CCNI: variants seen among roughly 807,000 people sequenced by gnomAD.
CCNI encodes the protein cyclin I.
In CCNI, 14 loss-of-function variants were observed where a neutral mutation model predicts 34.1. The ratio of observed to expected loss-of-function variants is 0.41; its 90% confidence interval spans 0.27 to 0.64. CCNI has a LOEUF of 0.64. Among genes scored for constraint, CCNI ranks in the 30% least tolerant of loss-of-function variants. The pLI is 0.31. For synonymous variants in CCNI, 154 were observed against 158.4 expected (o/e 0.97, Z 0.21); for missense variants, 385 against 440.5 (o/e 0.87, Z 1.13).
At chr4:77,065,818 G>A (rs1728995972) in intron 2 of CCNI, among the ~76,000 whole-genome samples, 1 of 152,194 alleles carries the variant, frequency 6.6e-6, no homozygotes, top group Non-Finnish European at 1.5e-5. Flanking sequence ...AAAAAGAAGA[G>A]GCCGGGCATG....
intron 1 of CCNI, among the ~76,000 whole-genome samples, chr4:77,067,650 C>T (rs189000195): frequency 6.7e-6 from 1 of 149,172 alleles, no homozygotes; most frequent in African/African-American, 2.4e-5. Flanking sequence ...ATCACCAAGC[C>T]CAGGTAATTT....
intron 2 of CCNI, 131 bp downstream of exon 2, chr4:77,066,116 GGA>G (rs1350396899): frequency 8.5e-6 from 6 of 707,132 alleles, no homozygotes; most frequent in African/African-American, 5.4e-5. Context: ...AAAGAAACAG[GGA>G]GAGTCTCTCA....
In CCNI at chr4:77,047,547, G is replaced by C. The variant is rs1217719095; in HGVS notation, c.*672C>G. On this transcript the variant is annotated 3_prime_UTR_variant, in exon 7 of 7. Coordinates refer to ENST00000237654, the MANE Select transcript of CCNI (RefSeq NM_006835.3). ...TCGAAAATGCTTTCAACAAACCTAA[G>C]TGTCCTAATTACATGCCACTTTTAA... is the stretch of plus-strand genomic sequence containing the variant. 2.6e-5 allele frequency: 4 copies of C among 152,008 alleles called. No homozygotes were observed. The highest frequency in any genetic ancestry group is 9.7e-5 in the African/African-American group (4 of 41,368). The allele number at this position is 152,008 out of a possible 1,614,324, so 9.4% of individuals were successfully genotyped here.
intron 1 of CCNI, among the ~76,000 whole-genome samples, chr4:77,073,102 T>C (rs757690855): frequency 6.6e-6 from 1 of 152,270 alleles, no homozygotes; most frequent in Non-Finnish European, 1.5e-5. Context: ...TGTTACTGTA[T>C]GCCTATTGTT....
At chr4:77,054,680 C>T (rs1406918999) in intron 6 of CCNI, among the ~76,000 whole-genome samples, 1 of 152,144 alleles carries the variant, frequency 6.6e-6, no homozygotes, top group Non-Finnish European at 1.5e-5. Context: ...AGGGAAAAAC[C>T]TCTTTCAGAA....
At chr4:77,049,542 G>C (rs1373040983) in intron 6 of CCNI, among the ~76,000 whole-genome samples, 1 of 152,118 alleles carries the variant, frequency 6.6e-6, no homozygotes, top group Non-Finnish European at 1.5e-5. Context: ...GCAGGACATG[G>C]TGGCAGATGC....
chr4:77,074,438 G>A (rs2109859506), intron 1 of CCNI, among the ~76,000 whole-genome samples: 1 of 152,312 alleles, frequency 6.6e-6, no homozygotes, highest in African/African-American at 2.4e-5. Context: ...GCTAGCAGCA[G>A]ATAACACTGC....
At position 77,048,228 on chromosome 4, in the gene CCNI, AG is replaced by A. The variant is rs1727567452; in HGVS notation, c.1124del (p.Ser375LeufsTer11). Reference protein sequence around the residue: ...ASPCPPLQPVSVM With the variant: ...ASPCPPLQPVXVM ...GTAGCACTTGTTGAAACTACATGAC[AG>A]AAACAGGCTGCAAAGGTGGACAAGG... On this transcript the variant is annotated frameshift_variant, in exon 7 of 7. Coordinates refer to ENST00000237654, the MANE Select transcript of CCNI (RefSeq NM_006835.3). LOFTEE classifies it high-confidence loss of function. 2.5e-6 allele frequency: 4 copies of A among 1,612,912 alleles called. No homozygotes were observed. The highest frequency in any genetic ancestry group is 3.4e-6 in the Non-Finnish European group (4 of 1,179,346).
chr4:77,056,170 G>C (rs1728213162), intron 4 of CCNI, 68 bp from the exon 5 acceptor site: 1 of 1,598,892 alleles, frequency 6.3e-7, no homozygotes, highest in African/African-American at 1.3e-5. Context: ...TATGATTTTT[G>C]TTTTAGCAAA....
intron 5 of CCNI, 122 bp from the exon 6 acceptor site, chr4:77,055,502 G>A (rs1185402302): frequency 1.5e-6 from 1 of 668,728 alleles, no homozygotes; most frequent in African/African-American, 2.0e-5. Flanking sequence ...TCACTCTGTT[G>A]CCCAGGCTGG....
chr4:77,052,706 C>T (rs1727948413), intron 6 of CCNI, among the ~76,000 whole-genome samples: 1 of 152,130 alleles, frequency 6.6e-6, no homozygotes, highest in Non-Finnish European at 1.5e-5. Flanking sequence ...CAAGACTTTC[C>T]TATATTAAAA....
intron 1 of CCNI, among the ~76,000 whole-genome samples, chr4:77,066,919 A>G (rs531581635): frequency 6.6e-6 from 1 of 152,330 alleles, no homozygotes; most frequent in Admixed American, 6.5e-5. Flanking sequence ...ACATGTGGAT[A>G]TTTAACTATG....
intron 6 of CCNI, among the ~76,000 whole-genome samples, chr4:77,054,882 C>A (rs180995816): frequency 6.6e-6 from 1 of 151,798 alleles, no homozygotes; most frequent in Non-Finnish European, 1.5e-5. Flanking sequence ...AACTAAAGGA[C>A]AATATGGTAT....
Position 77,055,198 on chromosome 4 carries a change from G to A in CCNI, c.642C>T (p.Leu214=). ...TTGTAAGAGAAAGCCAATCAGGAAT[G>A]AGTTTCTCCATTTCCAGACTAACCA... ...LAMVSLEMEK[L]IPDWLSLTIE... The change falls in exon 6 of 7, where the codon CTC becomes CTT. Residue 214 remains leucine (L), a synonymous_variant. Transcript: ENST00000237654. 2.5e-6 allele frequency: 4 copies of A among 1,614,052 alleles called. No homozygotes were observed. Among genetic ancestry groups the A allele is most frequent in the Non-Finnish European group, 3.4e-6 (4 of 1,179,928 alleles).
In CCNI at chr4:77,048,536, C is replaced by T; in HGVS notation, c.817G>A (p.Asp273Asn). 1 of 1,613,860 alleles carries T rather than the reference C, an allele frequency of 6.2e-7. No homozygotes were observed. The highest frequency in any genetic ancestry group is 8.5e-7 in the Non-Finnish European group (1 of 1,179,848). ...GGATGTAATCTGAACACTCCTTTGT[C>T]ACAGGTCACCAGGGTGTGCTTGAGG... The part of the protein sequence containing the change: ...RPLKHTLVTC[D>N]KGVFRLHPSS... Residue 273 changes from aspartate to asparagine, a missense_variant, in exon 7 of 7, where the codon GAC becomes AAC. Asp to Asn is a conservative substitution (Grantham distance 23). Coordinates refer to ENST00000237654, the MANE Select transcript of CCNI (RefSeq NM_006835.3).
At chr4:77,061,070 T>C (rs1156426263) in intron 2 of CCNI, among the ~76,000 whole-genome samples, 3 of 152,140 alleles carry the variant, frequency 2.0e-5, no homozygotes, top group Non-Finnish European at 4.4e-5. Context: ...ATATACCAGA[T>C]AGTAAAATTT....
chr4:77,058,775 C>T (rs954663107), intron 2 of CCNI, 140 bp from the exon 3 acceptor site: 2 of 652,956 alleles, frequency 3.1e-6, no homozygotes, highest in East Asian at 2.9e-5. Flanking sequence ...ATCTATCAGA[C>T]TTGAGACACA....
chr4:77,052,285 G>A (rs1053959126), intron 6 of CCNI, among the ~76,000 whole-genome samples: 12 of 152,064 alleles, frequency 7.9e-5, no homozygotes, highest in Non-Finnish European at 1.6e-4. Flanking sequence ...TGCTGCAAAG[G>A]ACATGATTTT....
At position 77,058,655 on chromosome 4, in the gene CCNI, A is replaced by T. The variant is rs1408645840; in HGVS notation, c.115-20T>A. ...AACATTCTATAAGGGAACAATTTTGAAAACAGAAGACAAAGTTTGAGCTAT... is the reference window on the plus strand; with the variant it reads ...AACATTCTATAAGGGAACAATTTTGTAAACAGAAGACAAAGTTTGAGCTAT... On this transcript the variant is annotated intron_variant, in intron 2 of 6. Transcript: ENST00000237654. 1 of 1,606,524 alleles carries T rather than the reference A, an allele frequency of 6.2e-7. No individual in the cohort carries two copies. The highest frequency in any genetic ancestry group is 1.7e-5 in the Admixed American group (1 of 58,786).
Sources: gnomAD v4.1 joint callset for allele counts (sites outside exome capture counted in the v4.1 genomes callset) on GRCh38, gnomAD v4.1.1 for gene constraint, MANE v1.5 for transcripts, NCBI Gene and HGNC (gene_info 2026-07-23, HGNC 2026-07-21) for gene names.